Variants in RAB38 observed in about 807,000 individuals in gnomAD.
RAB38 encodes the protein ras-related protein Rab-38.
RAB38 carries 15 observed loss-of-function variants against 18.4 expected under a neutral mutation model. The ratio of observed to expected loss-of-function variants is 0.82; its 90% CI spans 0.55 to 1.26. The LOEUF (loss-of-function observed/expected upper bound fraction) is 1.26, where lower values mean the gene tolerates loss of function less well. Among genes scored for constraint, RAB38 ranks in the 50% most tolerant of loss-of-function variants. RAB38 has a pLI of 0.00. For synonymous variants in RAB38, 101 were observed against 104.4 expected (o/e 0.97, Z 0.20); for missense variants, 294 against 267.4 (o/e 1.10, Z -0.69).
At chr11:87,893,844 G>A in the RAB38 span, among the ~76,000 whole-genome samples, 6 of 151,776 alleles carry the variant, frequency 4.0e-5, no homozygotes, top group African/African-American at 1.4e-4. Flanking sequence ...AAATCAAGAA[G>A]TGTGAAGTCT....
chr11:87,814,072 C>A, the RAB38 span, among the ~76,000 whole-genome samples: 16 of 152,214 alleles, frequency 1.1e-4, no homozygotes, highest in South Asian at 3.3e-3. Context: ...TGGGGTTGTG[C>A]AGACCCATCT....
At chr11:87,938,762 G>A in the RAB38 span, among the ~76,000 whole-genome samples, 1 of 151,278 alleles carries the variant, frequency 6.6e-6, no homozygotes, top group African/African-American at 2.4e-5. Context: ...CAACTCCAAG[G>A]CAAGTATACG....
the RAB38 span, among the ~76,000 whole-genome samples, chr11:87,911,436 T>C: frequency 1.3e-5 from 2 of 152,072 alleles, no homozygotes; most frequent in Non-Finnish European, 2.9e-5. Flanking sequence ...TAGGTCTTTG[T>C]AAGTTTGCTT....
chr11:88,068,372 G>A, the RAB38 span, among the ~76,000 whole-genome samples: 1 of 151,696 alleles, frequency 6.6e-6, no homozygotes, highest in African/African-American at 2.4e-5. Flanking sequence ...CCTAATCTTA[G>A]GTAATAGAAA....
At chr11:87,908,371 C>T in the RAB38 span, among the ~76,000 whole-genome samples, 1 of 151,984 alleles carries the variant, frequency 6.6e-6, no homozygotes, top group East Asian at 1.9e-4. Flanking sequence ...CAAATTCAAT[C>T]TCAGACCACA....
the RAB38 span, among the ~76,000 whole-genome samples, chr11:88,009,546 G>C: frequency 6.7e-6 from 1 of 150,330 alleles, no homozygotes; most frequent in South Asian, 2.1e-4. Context: ...ATTGTAACAT[G>C]ATGATAGAGG....
chr11:88,015,970 C>A, the RAB38 span, among the ~76,000 whole-genome samples: 2 of 152,148 alleles, frequency 1.3e-5, no homozygotes, highest in African/African-American at 4.8e-5. Context: ...ACCATATCCA[C>A]CACCTCCCAA....
At chr11:88,036,040 A>C in the RAB38 span, among the ~76,000 whole-genome samples, 1 of 152,190 alleles carries the variant, frequency 6.6e-6, no homozygotes, top group South Asian at 2.1e-4. Context: ...AGTTGTTCTT[A>C]GTTGTAATAC....
At chr11:87,930,642 T>C in the RAB38 span, among the ~76,000 whole-genome samples, 1 of 152,186 alleles carries the variant, frequency 6.6e-6, no homozygotes, top group East Asian at 1.9e-4. Flanking sequence ...CATTTGACCA[T>C]GCCTATGTCC....
intron 2 of RAB38, among the ~76,000 whole-genome samples, chr11:88,136,664 AAAGT>A (rs760522664): frequency 5.3e-5 from 8 of 152,238 alleles, no homozygotes; most frequent in East Asian, 1.9e-4. Context: ...TAGAAATCTA[AAAGT>A]AATAGAGAAG....
chr11:87,967,648 C>T, the RAB38 span, among the ~76,000 whole-genome samples: 1 of 152,142 alleles, frequency 6.6e-6, no homozygotes, highest in Admixed American at 6.6e-5. Context: ...CCAGTGTTTC[C>T]TTCCAGGTGG....
At chr11:88,164,020 C>A (rs1226629540) in intron 1 of RAB38, among the ~76,000 whole-genome samples, 1 of 152,088 alleles carries the variant, frequency 6.6e-6, no homozygotes, top group African/African-American at 2.4e-5. Flanking sequence ...GGACCAGCAT[C>A]TCATGTTTAT....
chr11:88,082,887 C>T, the RAB38 span, among the ~76,000 whole-genome samples: 1 of 151,882 alleles, frequency 6.6e-6, no homozygotes, highest in African/African-American at 2.4e-5. Context: ...GCAAAAGCCT[C>T]CAATGGCTTT....
chr11:88,031,043 C>T, the RAB38 span, among the ~76,000 whole-genome samples: 3 of 149,668 alleles, frequency 2.0e-5, no homozygotes, highest in African/African-American at 2.5e-5. Context: ...ATCAAGTGGG[C>T]TTCATCCCTG....
chr11:88,031,999 C>T, the RAB38 span, among the ~76,000 whole-genome samples: 2 of 150,514 alleles, frequency 1.3e-5, no homozygotes, highest in African/African-American at 4.9e-5. Flanking sequence ...GCTACAGTAA[C>T]CAAAACAGCA....
the RAB38 span, among the ~76,000 whole-genome samples, chr11:87,943,772 A>G: frequency 1.3e-5 from 2 of 152,154 alleles, no homozygotes; most frequent in East Asian, 1.9e-4. Context: ...AGGCAACTGA[A>G]TGTGTCCTAC....
the RAB38 span, among the ~76,000 whole-genome samples, chr11:88,018,221 G>T: frequency 4.1e-4 from 63 of 152,122 alleles, no homozygotes; most frequent in East Asian, 0.011. Flanking sequence ...ATTTCACTGA[G>T]CCAGTCTGTA....
chr11:88,029,937 C>A, the RAB38 span, among the ~76,000 whole-genome samples: 192 of 152,180 alleles, frequency 1.3e-3, no homozygotes, highest in African/African-American at 4.5e-3. Flanking sequence ...TTTTTTTCAG[C>A]ACCACACCAC....
At chr11:87,889,868 G>A in the RAB38 span, among the ~76,000 whole-genome samples, 1 of 151,394 alleles carries the variant, frequency 6.6e-6, no homozygotes, top group Non-Finnish European at 1.5e-5. Flanking sequence ...TGTCCTTAAG[G>A]GCAGATACCG....
Sources: gnomAD v4.1 joint callset for allele counts (sites outside exome capture counted in the v4.1 genomes callset) on GRCh38, gnomAD v4.1.1 for gene constraint, MANE v1.5 for transcripts, NCBI Gene and HGNC (gene_info 2026-07-23, HGNC 2026-07-21) for gene names.